The following CEP295 variants were observed in gnomAD, a reference collection of about 807,000 sequenced individuals.
CEP295 encodes centrosomal protein 295, also known as centrosomal protein of 295 kDa.
A neutral mutation model predicts 291.6 loss-of-function variants in CEP295; 190 were observed. The observed-to-expected ratio is 0.65, with a 90% CI of 0.58 to 0.73. The LOEUF (loss-of-function observed/expected upper bound fraction) is 0.73. Among genes scored for constraint, CEP295 ranks in the 30% least tolerant of loss-of-function variants. CEP295 has a pLI of 0.00. For synonymous variants in CEP295, 993 were observed against 1,038.8 expected (o/e 0.96, Z 0.85); for missense variants, 2,863 against 2,949.4 (o/e 0.97, Z 0.68).
In CEP295 at chr11:93,730,036, A is replaced by T; in HGVS notation, c.7668-13A>T. On this transcript the variant is annotated splice_polypyrimidine_tract_variant and intron_variant, in intron 28 of 29. Transcript: ENST00000325212. The stretch of plus-strand genomic sequence containing the variant: ...GCAGTGTTTGTCTCTAATTCTATAT[A>T]AATTCTTTACAGGTTATACAATCAA... The T allele has an allele frequency of 1.3e-6, 2 of 1,524,474 alleles. No individual in the cohort carries two copies. Among genetic ancestry groups the T allele is most frequent in the African/African-American group, 1.4e-5 (1 of 71,012 alleles). The allele number at this position is 1,524,474 out of a possible 1,614,324, so 94.4% of individuals were successfully genotyped here.
chr11:93,696,432 A>G lies in CEP295; in HGVS notation c.1769+15A>G, dbSNP rs141261731. ...CAACAAAACAGGTATTAGCTAGGGT[A>G]TAATTTATATGTGATCGTATGTGGC... On this transcript the variant is annotated intron_variant, in intron 14 of 29. Coordinates refer to ENST00000325212, the MANE Select transcript of CEP295 (RefSeq NM_033395.2). The G allele has an allele frequency of 3.5e-6, 5 of 1,423,292 alleles. No homozygotes were observed. The East Asian group carries it at 7.4e-5, about 21-fold the overall frequency. The allele number at this position is 1,423,292 out of a possible 1,614,324, so 88.2% of individuals were successfully genotyped here. A position where few individuals can be genotyped will look rare whatever the true frequency, so the allele number is the denominator to read the frequency against.
At chr11:93,667,312 ATATT>A (rs1362568948) in intron 2 of CEP295, among the ~76,000 whole-genome samples, 1 of 152,220 alleles carries the variant, frequency 6.6e-6, no homozygotes, top group African/African-American at 2.4e-5. Flanking sequence ...TTGTTGAATC[ATATT>A]TATCGCTTTA....
Position 93,729,887 on chromosome 11 carries a change from C to T in CEP295, c.7585C>T (p.Leu2529=), listed in dbSNP as rs1938165495. ...TTCCTCAGGTTCATCTGTGAGTCGT[C>T]TAAAGGGCGTGAATAAAGTCAGAGC... ...KPSISSSVSR[L]KGVNKVRASF... The change falls in exon 28 of 30, where the codon CTA becomes TTA. Residue 2529 remains leucine (L), a synonymous_variant. Transcript: ENST00000325212. 6.5e-7 allele frequency: 1 copy of T among 1,549,254 alleles called. No individual in the cohort carries two copies. Among genetic ancestry groups the T allele is most frequent in the African/African-American group, 1.4e-5 (1 of 72,710 alleles).
chr11:93,716,918 A>G (rs185915408), intron 18 of CEP295, among the ~76,000 whole-genome samples: 12 of 152,334 alleles, frequency 7.9e-5, no homozygotes, highest in Non-Finnish European at 1.6e-4. Flanking sequence ...TAGACAAAAC[A>G]GAATTCTTGA....
Position 93,700,240 on chromosome 11 carries a change from GTT to G in CEP295, c.5274+58_5274+59del, listed in dbSNP as rs1247006784. On this transcript the variant is annotated intron_variant, in intron 15 of 29. Coordinates refer to ENST00000325212, the MANE Select transcript of CEP295 (RefSeq NM_033395.2). ...ACACTAGAAGTTTAAACCCAAATCA[GTT>G]TTTAATACTAGGATTACAAGTTTTC... is the stretch of plus-strand genomic sequence containing the variant. The G allele has an allele frequency of 2.0e-5, 28 of 1,387,718 alleles. No homozygotes were observed. In the East Asian group the frequency reaches 7.0e-4, roughly 35 times the overall value. The allele number at this position is 1,387,718 out of a possible 1,614,324, so 86.0% of individuals were successfully genotyped here. A position where few individuals can be genotyped will look rare whatever the true frequency, so the allele number is the denominator to read the frequency against.
Position 93,698,409 on chromosome 11 carries a change from TC to T in CEP295, c.3499del (p.Gln1167LysfsTer9). ...GCACAGCAAGAAAATTTGACAATAC[TC>T]CAAGAACAGTCACAAATACAAAGGG... Reference protein sequence around the residue: ...SLAQQENLTILQEQSQIQRVI... With the variant: ...SLAQQENLTIXQEQSQIQRVI... On this transcript the variant is annotated frameshift_variant, in exon 15 of 30. Transcript: ENST00000325212. LOFTEE classifies it high-confidence loss of function. The T allele has an allele frequency of 6.4e-7, 1 of 1,552,058 alleles. No individual in the cohort carries two copies.
At chr11:93,726,443 ATTC>A (rs1326944540) in intron 23 of CEP295, among the ~76,000 whole-genome samples, 5 of 152,180 alleles carry the variant, frequency 3.3e-5, no homozygotes, top group Admixed American at 6.5e-5. Context: ...CAGTTTAAGT[ATTC>A]TTCTTAGGCC....
At chr11:93,681,452 A>G (rs1950960195) in intron 7 of CEP295, among the ~76,000 whole-genome samples, 1 of 94,672 alleles carries the variant, frequency 1.1e-5, no homozygotes, top group Non-Finnish European at 1.9e-5. Context: ...GTCTTGCTCT[A>G]TCACTCAGGC....
intron 17 of CEP295, among the ~76,000 whole-genome samples, chr11:93,705,148 A>G (rs549069867): frequency 8.3e-4 from 126 of 151,748 alleles, no homozygotes; most frequent in Non-Finnish European, 1.6e-3. Flanking sequence ...AGTTTGTACT[A>G]TTTTCTCTTT....
chr11:93,710,369 A>T (rs1952816406), intron 18 of CEP295, among the ~76,000 whole-genome samples: 1 of 152,204 alleles, frequency 6.6e-6, no homozygotes, highest in Admixed American at 6.5e-5. Flanking sequence ...CTTTTCCAGC[A>T]TCAATTGAAA....
At chr11:93,728,936 G>C (rs1944099) in intron 25 of CEP295, 115 bp downstream of exon 25, 850,586 of 875,720 alleles carry the variant, frequency 0.97, 414,866 homozygotes, top group Non-Finnish European at 0.99. Context: ...ATTTAACTAA[G>C]CCGACACCCC....
chr11:93,665,727 C>G (rs1297038854), intron 1 of CEP295, among the ~76,000 whole-genome samples: 1 of 152,108 alleles, frequency 6.6e-6, no homozygotes, highest in African/African-American at 2.4e-5. Context: ...AAGAATAGAT[C>G]TGGAAAACTA....
chr11:93,691,329 G>A (rs1951542609), intron 10 of CEP295, among the ~76,000 whole-genome samples: 1 of 152,180 alleles, frequency 6.6e-6, no homozygotes, highest in African/African-American at 2.4e-5. Context: ...TAAAAACCTA[G>A]TATCCAAATA....
At chr11:93,696,461 A>G (rs954706201) in intron 14 of CEP295, 44 bp downstream of exon 14, 9 of 1,261,704 alleles carry the variant, frequency 7.1e-6, no homozygotes, top group African/African-American at 3.0e-5. Flanking sequence ...ATGTGGCTAC[A>G]TTTTTAGGAT....
At chr11:93,682,674 A>G (rs11020484) in intron 7 of CEP295, among the ~76,000 whole-genome samples, 1 of 151,676 alleles carries the variant, frequency 6.6e-6, no homozygotes, top group African/African-American at 2.4e-5. Flanking sequence ...TGCATACTGT[A>G]TTGTGGCCTG....
chr11:93,697,885 T>G lies in CEP295; in HGVS notation c.2973T>G (p.Ala991=). 1 of 1,551,740 alleles carries G rather than the reference T, an allele frequency of 6.4e-7. No individual in the cohort carries two copies. Among genetic ancestry groups the G allele is most frequent in the Non-Finnish European group, 8.7e-7 (1 of 1,146,988 alleles). The part of the protein sequence containing the change: ...ELDRRVCSEQ[A]EPSFPFQVAQ... ...ATAGAAGAGTATGTTCCGAACAGGC[T>G]GAGCCCTCTTTCCCATTTCAGGTAG... The change falls in exon 15 of 30, where the codon GCT becomes GCG. Residue 991 remains alanine, a synonymous_variant. Transcript: ENST00000325212.
At chr11:93,708,507 G>T (rs1952671750) in intron 18 of CEP295, among the ~76,000 whole-genome samples, 1 of 152,004 alleles carries the variant, frequency 6.6e-6, no homozygotes, top group Non-Finnish European at 1.5e-5. Flanking sequence ...TGGCTGAATT[G>T]TACTCCATTG....
intron 1 of CEP295, among the ~76,000 whole-genome samples, chr11:93,665,810 G>A (rs1339271924): frequency 6.6e-6 from 1 of 152,182 alleles, no homozygotes; most frequent in Non-Finnish European, 1.5e-5. Flanking sequence ...ATTGTTTACT[G>A]TAGATTATAG....
intron 15 of CEP295, among the ~76,000 whole-genome samples, chr11:93,702,248 C>T (rs537539216): frequency 6.6e-5 from 10 of 152,188 alleles, no homozygotes; most frequent in East Asian, 3.9e-4. Context: ...CGTGAGCCAC[C>T]GCGCCTGGCC....
Sources: gnomAD v4.1 joint callset for allele counts (sites outside exome capture counted in the v4.1 genomes callset) on GRCh38, gnomAD v4.1.1 for gene constraint, MANE v1.5 for transcripts, NCBI Gene and HGNC (gene_info 2026-07-23, HGNC 2026-07-21) for gene names.